Variants in DLGAP4 observed in about 807,000 individuals in gnomAD.
The protein encoded by DLGAP4 is DLG associated protein 4, also known as disks large-associated protein 4.
Under a neutral mutation model 86.9 loss-of-function variants are expected in DLGAP4, and 18 were observed. That is an observed-to-expected ratio of 0.21 (90% CI 0.14 to 0.31). DLGAP4 has a LOEUF of 0.31. DLGAP4 is among the 10% of genes least tolerant of loss of function. The pLI is 1.00. For synonymous variants in DLGAP4, 548 were observed against 574.3 expected (o/e 0.95, Z 0.65); for missense variants, 1,085 against 1,362.6 (o/e 0.80, Z 3.21).
At chr20:36,396,821 C>G (rs1327682180) in intron 2 of DLGAP4, among the ~76,000 whole-genome samples, 1 of 152,162 alleles carries the variant, frequency 6.6e-6, no homozygotes, top group African/African-American at 2.4e-5. Context: ...CCCTGCCTGC[C>G]CTCTCAGGGC....
chr20:36,358,301 G>A (rs938920845), intron 1 of DLGAP4, among the ~76,000 whole-genome samples: 12 of 152,096 alleles, frequency 7.9e-5, no homozygotes, highest in African/African-American at 1.2e-4. Flanking sequence ...GTCCATCCCC[G>A]TCCTCGTGGC....
intron 7 of DLGAP4, among the ~76,000 whole-genome samples, chr20:36,480,342 T>C (rs2035131183): frequency 6.6e-6 from 1 of 152,194 alleles, no homozygotes; most frequent in Admixed American, 6.5e-5. Flanking sequence ...TCACAAGATT[T>C]CCCGTGTGGC....
chr20:36,355,398 A>G (rs1006915306), intron 1 of DLGAP4, among the ~76,000 whole-genome samples: 10 of 151,688 alleles, frequency 6.6e-5, no homozygotes, highest in Non-Finnish European at 1.5e-4. Context: ...CCCAGGCTCA[A>G]CGATCCTCTC....
chr20:36,416,083 G>A (rs746785798), intron 2 of DLGAP4, among the ~76,000 whole-genome samples: 21 of 152,108 alleles, frequency 1.4e-4, no homozygotes, highest in Non-Finnish European at 2.4e-4. Context: ...TGGGATGAGC[G>A]TATAATTCAT....
chr20:36,315,710 T>C (rs968384984), intron 1 of DLGAP4, among the ~76,000 whole-genome samples: 23 of 152,080 alleles, frequency 1.5e-4, no homozygotes, highest in African/African-American at 5.5e-4. Context: ...CTTGTGTGGG[T>C]GCATCCCACT....
Position 36,341,618 on chromosome 20 carries a change from G to A in DLGAP4, c.-303-25427G>A, listed in dbSNP as rs545093802. Among the ~76,000 whole-genome samples the A allele has an allele frequency of 1.2e-4, 18 of 152,364 alleles. 1 individual carries two copies. The highest frequency in any genetic ancestry group is 4.1e-4 in the African/African-American group (17 of 41,596). On this transcript the variant is annotated intron_variant, in intron 1 of 12. Coordinates refer to ENST00000339266, the MANE Select transcript of DLGAP4 (RefSeq NM_001365621.2). ...GGCCACAGGCCTTGCTGAAGGGCAC[G>A]CGGCTCCCGCGGGGAGGAGTTGGTG...
chr20:36,360,143 C>G (rs763391157), intron 1 of DLGAP4, among the ~76,000 whole-genome samples: 67 of 152,208 alleles, frequency 4.4e-4, no homozygotes, highest in Admixed American at 7.9e-4. Context: ...TAGCTCTGCC[C>G]TCACAGCAAC....
chr20:36,424,564 G>A (rs2032921543), intron 2 of DLGAP4, among the ~76,000 whole-genome samples: 1 of 152,140 alleles, frequency 6.6e-6, no homozygotes, highest in South Asian at 2.1e-4. Context: ...AATGCTCTTG[G>A]CAGCTGGGGT....
At chr20:36,471,375 T>G (rs879635828) in intron 7 of DLGAP4, among the ~76,000 whole-genome samples, 1 of 152,068 alleles carries the variant, frequency 6.6e-6, no homozygotes, top group African/African-American at 2.4e-5. Flanking sequence ...GTGTCTGTAG[T>G]CCCAGCTACT....
At chr20:36,510,431 T>A (rs1187409792) in intron 10 of DLGAP4, among the ~76,000 whole-genome samples, 3 of 151,902 alleles carry the variant, frequency 2.0e-5, no homozygotes, top group African/African-American at 4.8e-5. Context: ...ACCTGGCTAA[T>A]TTTTTGTATT....
chr20:36,442,541 C>A (rs991393856), intron 5 of DLGAP4, among the ~76,000 whole-genome samples, 186 bp from the exon 6 acceptor site: 1 of 152,188 alleles, frequency 6.6e-6, no homozygotes, highest in African/African-American at 2.4e-5. Context: ...TAATGCCCAG[C>A]CCCAGAAGGA....
intron 2 of DLGAP4, among the ~76,000 whole-genome samples, chr20:36,424,267 C>A (rs1178964422): frequency 6.6e-6 from 1 of 152,156 alleles, no homozygotes; most frequent in African/African-American, 2.4e-5. Flanking sequence ...ACTGGGATGG[C>A]CCTTTAGGGT....
At chr20:36,519,129 AT>A in intron 10 of DLGAP4, among the ~76,000 whole-genome samples, 1 of 151,856 alleles carries the variant, frequency 6.6e-6, no homozygotes, top group South Asian at 2.1e-4. Flanking sequence ...AAAAAAAAAA[AT>A]TAGCTGGGCG....
intron 2 of DLGAP4, among the ~76,000 whole-genome samples, chr20:36,415,790 G>A (rs1180618857): frequency 6.6e-6 from 1 of 152,148 alleles, no homozygotes; most frequent in Non-Finnish European, 1.5e-5. Flanking sequence ...CCTCCCCTGG[G>A]GCCAGCAGAG....
chr20:36,430,794 A>AAAAT (rs1332079579), intron 2 of DLGAP4, among the ~76,000 whole-genome samples: 1 of 152,008 alleles, frequency 6.6e-6, no homozygotes, highest in Non-Finnish European at 1.5e-5. Context: ...GTCTCTACTA[A>AAAAT]AAATACAAAA....
intron 10 of DLGAP4, among the ~76,000 whole-genome samples, chr20:36,511,749 C>T (rs1296280088): frequency 6.6e-6 from 1 of 151,362 alleles, no homozygotes; most frequent in Non-Finnish European, 1.5e-5. Flanking sequence ...ATCGTGGGCA[C>T]CTGTAATCTC....
chr20:36,470,200 T>A (rs961971413), intron 7 of DLGAP4, among the ~76,000 whole-genome samples: 1 of 152,114 alleles, frequency 6.6e-6, no homozygotes, highest in Non-Finnish European at 1.5e-5. Flanking sequence ...AGGAACCCTC[T>A]CATCCCAGCT....
intron 1 of DLGAP4, among the ~76,000 whole-genome samples, chr20:36,342,531 C>T (rs537825567): frequency 3.3e-5 from 5 of 152,146 alleles, no homozygotes; most frequent in South Asian, 2.1e-4. Flanking sequence ...AATGCCTGGG[C>T]GCCAGCAGCC....
rs141529171 is a variant in DLGAP4 at position 36,400,405 on chromosome 20, C to G, written c.-72-31241C>G. On this transcript the variant is annotated intron_variant, in intron 2 of 12. Coordinates refer to ENST00000339266, the MANE Select transcript of DLGAP4 (RefSeq NM_001365621.2). ...TTACGCCTTCTTGACGAGTTGTGTCCCAGCATTGTGCTTTACAATATGAGT... is the reference window on the plus strand; with the variant it reads ...TTACGCCTTCTTGACGAGTTGTGTCGCAGCATTGTGCTTTACAATATGAGT... 3.5e-4 allele frequency among the ~76,000 whole-genome samples: 53 copies of G among 152,278 alleles called. No homozygotes were observed. The East Asian group carries it at 0.01, about 29-fold the overall frequency.
Sources: gnomAD v4.1 joint callset for allele counts (sites outside exome capture counted in the v4.1 genomes callset) on GRCh38, gnomAD v4.1.1 for gene constraint, MANE v1.5 for transcripts, NCBI Gene and HGNC (gene_info 2026-07-23, HGNC 2026-07-21) for gene names.